LYPD6: variants seen among roughly 807,000 people sequenced by gnomAD.
The protein encoded by LYPD6 is ly6/PLAUR domain-containing protein 6.
LYPD6 carries 15 observed loss-of-function variants against 22.7 expected under a neutral mutation model. The observed-to-expected ratio is 0.66, with a 90% CI of 0.44 to 1.02. The LOEUF (loss-of-function observed/expected upper bound fraction) is 1.02, where lower values mean the gene tolerates loss of function less well. Among genes scored for constraint, LYPD6 ranks in the 50% least tolerant of loss-of-function variants. The pLI, the probability that LYPD6 is intolerant of heterozygous loss-of-function variation, is 0.00. For synonymous variants in LYPD6, 72 were observed against 77.5 expected, an observed-to-expected ratio of 0.93 and a Z score of 0.37; for missense variants, 189 against 208.4, an observed-to-expected ratio of 0.91 and a Z score of 0.57.
intron 1 of LYPD6, among the ~76,000 whole-genome samples, chr2:149,349,626 T>A (rs1344466172): frequency 2.0e-5 from 3 of 152,172 alleles, no homozygotes; most frequent in Admixed American, 2.0e-4. Context: ...GAGACTTGGG[T>A]CCCATTAAAT....
At chr2:149,483,186 C>G in the LYPD6 span, among the ~76,000 whole-genome samples, 2 of 152,216 alleles carry the variant, frequency 1.3e-5, no homozygotes, top group African/African-American at 2.4e-5. Flanking sequence ...TCTGGCACTC[C>G]AGCATTCTGG....
chr2:149,349,293 A>G (rs966062451), intron 1 of LYPD6, among the ~76,000 whole-genome samples: 1 of 152,156 alleles, frequency 6.6e-6, no homozygotes. Flanking sequence ...GAGTGAAGAC[A>G]ATGAAGTTGC....
At chr2:149,445,419 T>C (rs909192593) in intron 2 of LYPD6, among the ~76,000 whole-genome samples, 4 of 152,228 alleles carry the variant, frequency 2.6e-5, no homozygotes, top group African/African-American at 9.6e-5. Context: ...TTGACTTTTC[T>C]CTCTAGCTAT....
chr2:149,425,190 A>G (rs575353393), intron 1 of LYPD6, among the ~76,000 whole-genome samples: 1 of 152,254 alleles, frequency 6.6e-6, no homozygotes, highest in Admixed American at 6.5e-5. Flanking sequence ...TGCGTCTCAC[A>G]TGTGTGTGGC....
rs1306879550 is a variant in LYPD6, at chr2:149,330,724, T to TA, written c.-72+2_-72+3insA. 6.6e-6 allele frequency: 1 copy of TA among 151,528 alleles called. No homozygotes were observed. Among genetic ancestry groups the TA allele is most frequent in the Non-Finnish European group, 1.5e-5 (1 of 68,020 alleles). The allele number at this position is 151,528 out of a possible 1,614,324, so 9.4% of individuals were successfully genotyped here. On this transcript the variant is annotated splice_region_variant and intron_variant, in intron 1 of 4. Transcript: ENST00000334166. ...GGCCGGAATCCGCGCGCAGCCCGGG[T>TA]GAGTAGAGGCGGGCTTCCCGGGAGA...
At chr2:149,351,121 A>G (rs750752257) in intron 1 of LYPD6, among the ~76,000 whole-genome samples, 45 of 152,162 alleles carry the variant, frequency 3.0e-4, no homozygotes, top group Non-Finnish European at 4.7e-4. Context: ...TAGGCTGGGT[A>G]TGGTGGCTCA....
chr2:149,360,188 G>A lies in LYPD6; in HGVS notation c.-72+29466G>A, dbSNP rs59070904. On this transcript the variant is annotated intron_variant, in intron 1 of 4. Coordinates refer to ENST00000334166, the MANE Select transcript of LYPD6 (RefSeq NM_194317.5). ...ATACATTATAATTAGTGTATAATGA[G>A]CAGTGAGGACGACTGGAGGTCACTT... 8.8e-3 allele frequency among the ~76,000 whole-genome samples: 1,335 copies of A among 152,290 alleles called. 23 individuals carry two copies. The highest frequency in any genetic ancestry group is 0.031 in the African/African-American group (1,281 of 41,550).
intron 1 of LYPD6, among the ~76,000 whole-genome samples, chr2:149,412,688 C>A (rs1376622389): frequency 1.3e-5 from 2 of 152,184 alleles, no homozygotes; most frequent in Non-Finnish European, 2.9e-5. Flanking sequence ...AATCAGTTTT[C>A]AATATTGCAT....
chr2:149,418,378 A>G (rs1683009293), intron 1 of LYPD6, among the ~76,000 whole-genome samples: 1 of 152,128 alleles, frequency 6.6e-6, no homozygotes, highest in Non-Finnish European at 1.5e-5. Flanking sequence ...CATATAATGT[A>G]GTAGCAAGGA....
intron 1 of LYPD6, among the ~76,000 whole-genome samples, chr2:149,405,564 TG>T (rs1430675964): frequency 6.6e-6 from 1 of 152,232 alleles, no homozygotes; most frequent in African/African-American, 2.4e-5. Context: ...TGTATTTCTG[TG>T]GGATTGGTGG....
downstream of LYPD6, among the ~76,000 whole-genome samples, chr2:149,476,149 T>C (rs569616445): frequency 2.6e-5 from 4 of 152,278 alleles, no homozygotes; most frequent in African/African-American, 7.2e-5. Context: ...CCTTCTTTGG[T>C]GCTCAGAGTA....
intron 1 of LYPD6, among the ~76,000 whole-genome samples, chr2:149,379,944 C>T (rs542162152): frequency 6.6e-6 from 1 of 151,194 alleles, no homozygotes; most frequent in Non-Finnish European, 1.5e-5. Flanking sequence ...GAGAGAAGTA[C>T]TGTAGAGAAC....
chr2:149,389,766 G>A (rs995501852), intron 1 of LYPD6, among the ~76,000 whole-genome samples: 1 of 152,142 alleles, frequency 6.6e-6, no homozygotes. Context: ...CTGGCTTCGT[G>A]TTTCTAATTA....
At chr2:149,402,506 A>C (rs1035914231) in intron 1 of LYPD6, among the ~76,000 whole-genome samples, 1 of 152,136 alleles carries the variant, frequency 6.6e-6, no homozygotes, top group African/African-American at 2.4e-5. Context: ...TCCCACTAAC[A>C]GTGTAGACGT....
At position 149,437,814 on chromosome 2, in the gene LYPD6, C is replaced by T. The variant is rs1158553129; in HGVS notation, c.106C>T (p.Leu36Phe). The change falls in exon 2 of 5, where the codon CTC (leucine) becomes TTC (phenylalanine). Residue 36 changes from leucine to phenylalanine, a missense_variant. Transcript: ENST00000334166. ...CTTCACAGTGAAAGACATTATCTAC[C>T]TCCATCCTTCAAGTAAGACTGTTCT... ...RDFTVKDIIY[L>F]HPSTTPYPGG... 1.2e-6 allele frequency: 2 copies of T among 1,614,016 alleles called. No individual in the cohort carries two copies. Among genetic ancestry groups the T allele is most frequent in the South Asian group, 1.1e-5 (1 of 91,090 alleles).
At chr2:149,365,299 G>A (rs1311555570) in intron 1 of LYPD6, among the ~76,000 whole-genome samples, 1 of 152,182 alleles carries the variant, frequency 6.6e-6, no homozygotes, top group Admixed American at 6.5e-5. Context: ...CTTGGAATTA[G>A]ACATTTCCAT....
intron 1 of LYPD6, among the ~76,000 whole-genome samples, chr2:149,399,099 A>T (rs186356243): frequency 6.7e-6 from 1 of 149,292 alleles, no homozygotes; most frequent in African/African-American, 2.5e-5. Flanking sequence ...GGAAGGTGTT[A>T]AAAAAAAAAT....
At chr2:149,437,031 A>G (rs181845243) in intron 1 of LYPD6, among the ~76,000 whole-genome samples, 142 of 152,350 alleles carry the variant, frequency 9.3e-4, no homozygotes, top group African/African-American at 3.1e-3. Context: ...TGGGTTAATA[A>G]TTATGCCTAC....
chr2:149,407,227 G>C (rs544341720), intron 1 of LYPD6, among the ~76,000 whole-genome samples: 11 of 152,218 alleles, frequency 7.2e-5, no homozygotes, highest in East Asian at 3.9e-4. Context: ...TTGCTCTTCT[G>C]GAGGAGTATC....
Sources: allele counts gnomAD v4.1 joint callset (sites outside exome capture counted in the v4.1 genomes callset), GRCh38; gene constraint gnomAD v4.1.1; transcripts MANE v1.5; gene names NCBI Gene and HGNC (gene_info 2026-07-23, HGNC 2026-07-21).